The following OVCH1 variants were observed in gnomAD, a reference collection of about 807,000 sequenced individuals.
The protein encoded by OVCH1 is ovochymase-1.
A neutral mutation model predicts 138.4 loss-of-function variants in OVCH1; 139 were observed. The ratio of observed to expected loss-of-function variants is 1.00; its 90% CI spans 0.87 to 1.16. OVCH1 has a LOEUF of 1.16. Ranked by LOEUF, OVCH1 falls within the 50% of genes most tolerant of loss-of-function variation. The pLI is 0.00. For missense variants in OVCH1, 1,367 were observed against 1,357.9 expected (o/e 1.01, Z -0.11); for synonymous variants, 453 against 467.8 (o/e 0.97, Z 0.41).
intron 22 of OVCH1, among the ~76,000 whole-genome samples, chr12:29,449,897 AAAAC>A (rs1941732531): frequency 6.6e-6 from 1 of 152,204 alleles, no homozygotes; most frequent in African/African-American, 2.4e-5. Context: ...AAACCTGACA[AAAAC>A]AAGCAATGAG....
intron 8 of OVCH1, among the ~76,000 whole-genome samples, chr12:29,480,514 G>C (rs931900559): frequency 1.3e-5 from 2 of 152,172 alleles, no homozygotes; most frequent in African/African-American, 4.8e-5. Flanking sequence ...AGTGATTGCT[G>C]TTTTAAGAGG....
chr12:29,437,433 C>T (rs1941384596), intron 26 of OVCH1, among the ~76,000 whole-genome samples: 1 of 152,132 alleles, frequency 6.6e-6, no homozygotes, highest in Non-Finnish European at 1.5e-5. Flanking sequence ...CTCGAGTTAA[C>T]TAGAGGTAGA....
intron 12 of OVCH1, 129 bp from the exon 13 acceptor site, chr12:29,476,428 A>G (rs1942717813): frequency 1.3e-6 from 1 of 763,068 alleles, no homozygotes; most frequent in Admixed American, 2.2e-5. Context: ...AGTGTAAATA[A>G]TTGCAGTCTC....
the OVCH1 span, among the ~76,000 whole-genome samples, chr12:29,406,497 T>C: frequency 6.9e-6 from 1 of 144,646 alleles, no homozygotes; most frequent in African/African-American, 2.4e-5. Flanking sequence ...GATGTTCCCC[T>C]TCCTGTGTCC....
intron 14 of OVCH1, among the ~76,000 whole-genome samples, chr12:29,474,708 TATTA>T (rs1473111725): frequency 1.3e-5 from 2 of 152,226 alleles, no homozygotes; most frequent in African/African-American, 4.8e-5. Flanking sequence ...CCAGGATACC[TATTA>T]ATTCTTCAAA....
chr12:29,437,449 A>T (rs938510972), intron 26 of OVCH1, among the ~76,000 whole-genome samples: 4 of 152,208 alleles, frequency 2.6e-5, no homozygotes, highest in African/African-American at 9.7e-5. Flanking sequence ...GTAGATCAAG[A>T]TGGTCATAGT....
At chr12:29,430,197 C>G (rs1043909297) in intron 27 of OVCH1, among the ~76,000 whole-genome samples, 8 of 152,140 alleles carry the variant, frequency 5.3e-5, no homozygotes, top group Admixed American at 5.2e-4. Context: ...TTTGCAAATG[C>G]CATAGTAATA....
At chr12:29,453,886 C>A (rs942642923) in intron 21 of OVCH1, among the ~76,000 whole-genome samples, 1 of 152,112 alleles carries the variant, frequency 6.6e-6, no homozygotes, top group Admixed American at 6.6e-5. Flanking sequence ...TCTCAGGGGG[C>A]CTTTATGCTA....
chr12:29,427,515 G>A, downstream of OVCH1: 1 of 1,545,872 alleles, frequency 6.5e-7, no homozygotes, highest in East Asian at 2.5e-5. Flanking sequence ...GAGACAGAAT[G>A]TGCTTGGTTA....
At chr12:29,492,991 A>G (rs1943312931) in intron 4 of OVCH1, among the ~76,000 whole-genome samples, 1 of 152,224 alleles carries the variant, frequency 6.6e-6, no homozygotes, top group African/African-American at 2.4e-5. Flanking sequence ...CTTTGAATTT[A>G]GCAACATAGA....
intron 8 of OVCH1, among the ~76,000 whole-genome samples, chr12:29,484,308 C>T (rs1592106481): frequency 6.6e-6 from 1 of 152,134 alleles, no homozygotes; most frequent in East Asian, 1.9e-4. Flanking sequence ...GAATTAATCA[C>T]TAAATCCCAC....
At chr12:29,478,091 T>A (rs1017890854) in intron 9 of OVCH1, among the ~76,000 whole-genome samples, 1 of 152,200 alleles carries the variant, frequency 6.6e-6, no homozygotes, top group Admixed American at 6.5e-5. Flanking sequence ...GAACTAGAGA[T>A]CCAGGTCTAT....
In OVCH1 at chr12:29,495,432, TCA is replaced by T. The variant is rs746420032; in HGVS notation, c.305_306del (p.Val102AspfsTer12). On this transcript the variant is annotated frameshift_variant, in exon 4 of 28. Coordinates refer to ENST00000318184, the Ensembl canonical transcript of OVCH1. LOFTEE classifies it high-confidence loss of function. Reference sequence around the variant, plus strand: ...TGAAAGAGGCTGTACTCCCCAGAAGTCACAGTTATATTCTTCAGCTGCTTCCT... The same window carrying T: ...TGAAAGAGGCTGTACTCCCCAGAAGTCAGTTATATTCTTCAGCTGCTTCCT... 5.0e-6 allele frequency: 8 copies of T among 1,612,988 alleles called. No individual in the cohort carries two copies. The highest frequency in any genetic ancestry group is 2.2e-5 in the South Asian group (2 of 90,888).
At chr12:29,495,397 C>G in exon 4 of OVCH1, 2 of 1,613,442 alleles carry the variant, frequency 1.2e-6, no homozygotes, top group Non-Finnish European at 1.7e-6. Flanking sequence ...TCTGTTCTTG[C>G]TTATCCTTCT....
chr12:29,483,693 C>T (rs2136059508), intron 8 of OVCH1, among the ~76,000 whole-genome samples: 1 of 152,284 alleles, frequency 6.6e-6, no homozygotes. Context: ...TCTTCCCCAC[C>T]TCCTTGACAT....
In OVCH1 at chr12:29,454,709, C is replaced by A. The variant is rs1171718927; in HGVS notation, c.2530+132G>T. The A allele has an allele frequency of 4.0e-6, 3 of 742,968 alleles. No individual in the cohort carries two copies. The East Asian group carries it at 8.4e-5, about 21-fold the overall frequency. 46.0% of individuals were successfully genotyped at this position (742,968 alleles called of 1,614,324 possible). A position where few individuals can be genotyped will look rare whatever the true frequency, so the allele number is the denominator to read the frequency against. On this transcript the variant is annotated intron_variant, in intron 21 of 27. Coordinates refer to ENST00000318184, the Ensembl canonical transcript of OVCH1. ...TAATAACAACTCTCCCCACTTTCAG[C>A]TAAAACTACCAACCAGAAGGAAAAC...
intron 19 of OVCH1, among the ~76,000 whole-genome samples, chr12:29,456,223 A>G (rs1941947538): frequency 6.6e-6 from 1 of 152,004 alleles, no homozygotes; most frequent in African/African-American, 2.4e-5. Context: ...ATCTGAGTCC[A>G]TGTCACCTGC....
At chr12:29,455,679 C>A (rs1717790252) in intron 19 of OVCH1, among the ~76,000 whole-genome samples, 1 of 152,116 alleles carries the variant, frequency 6.6e-6, no homozygotes, top group Non-Finnish European at 1.5e-5. Flanking sequence ...TCTTCCCAGC[C>A]CCATCGGAGG....
chr12:29,423,135 G>T, downstream of OVCH1: 1 of 430,618 alleles, frequency 2.3e-6, no homozygotes, highest in Admixed American at 2.7e-5. Context: ...ACCACTGATA[G>T]GAAATTGGGT....
Sources: allele counts gnomAD v4.1 joint callset (sites outside exome capture counted in the v4.1 genomes callset), GRCh38; gene constraint gnomAD v4.1.1; transcripts MANE v1.5; gene names NCBI Gene and HGNC (gene_info 2026-07-23, HGNC 2026-07-21).